Variants in CLSTN2 observed in about 807,000 individuals in gnomAD.
The protein encoded by CLSTN2 is calsyntenin 2, also known as calsyntenin-2.
CLSTN2 carries 48 observed loss-of-function variants against 101.2 expected under a neutral mutation model. That is an observed-to-expected ratio of 0.47 (90% CI 0.38 to 0.60). CLSTN2 has a LOEUF of 0.60. Among genes scored for constraint, CLSTN2 ranks in the 20% least tolerant of loss-of-function variants. The pLI is 0.00. For synonymous variants in CLSTN2, 481 were observed against 463.6 expected (o/e 1.04, Z -0.48); for missense variants, 1,160 against 1,238.2 (o/e 0.94, Z 0.95).
chr3:140,077,925 G>A (rs1001986948), intron 1 of CLSTN2, among the ~76,000 whole-genome samples: 3 of 152,170 alleles, frequency 2.0e-5, no homozygotes, highest in Non-Finnish European at 2.9e-5. Context: ...TGATTATTAA[G>A]GCTTGAAGTT....
rs1429288961 is a variant in CLSTN2, at chr3:140,459,650, A to C, written c.1103A>C (p.Asp368Ala). 1 of 1,614,138 alleles carries C rather than the reference A, an allele frequency of 6.2e-7. No individual in the cohort carries two copies. The highest frequency in any genetic ancestry group is 1.1e-5 in the South Asian group (1 of 91,080). The part of the protein sequence containing the change: ...FDGRQGAKVP[D>A]GIVPKNLTDQ... Reference sequence around the variant, plus strand: ...GGCAGGCAGGGTGCCAAAGTCCCCGATGGGATTGTGCCCAAGAACCTGACC... The same window carrying C: ...GGCAGGCAGGGTGCCAAAGTCCCCGCTGGGATTGTGCCCAAGAACCTGACC... The change falls in exon 7 of 17, where the codon GAT becomes GCT. Residue 368 changes from aspartate (D) to alanine (A), a missense_variant. By Grantham distance (126) the Asp-to-Ala change is moderately radical. Transcript: ENST00000458420.
chr3:140,561,015 G>A (rs888622205), intron 12 of CLSTN2, among the ~76,000 whole-genome samples: 5 of 151,426 alleles, frequency 3.3e-5, no homozygotes, highest in African/African-American at 1.2e-4. Context: ...TACCTAGTGA[G>A]AGCAAATATA....
At chr3:140,380,091 T>C (rs898997497) in intron 2 of CLSTN2, among the ~76,000 whole-genome samples, 3 of 151,914 alleles carry the variant, frequency 2.0e-5, no homozygotes, top group African/African-American at 4.8e-5. Flanking sequence ...CCAGGGGAAA[T>C]TGTTGGAATA....
intron 2 of CLSTN2, among the ~76,000 whole-genome samples, chr3:140,191,342 T>C (rs1223993969): frequency 6.6e-6 from 1 of 152,078 alleles, no homozygotes; most frequent in Non-Finnish European, 1.5e-5. Flanking sequence ...TTTTAATCCA[T>C]ATTTATGAGG....
intron 2 of CLSTN2, among the ~76,000 whole-genome samples, chr3:140,324,514 G>C (rs541253782): frequency 2.0e-5 from 3 of 152,292 alleles, no homozygotes; most frequent in African/African-American, 7.2e-5. Flanking sequence ...TCAGAAAGTA[G>C]ACCAAAATGT....
intron 9 of CLSTN2, among the ~76,000 whole-genome samples, chr3:140,542,489 A>C (rs1935501037): frequency 6.6e-6 from 1 of 152,218 alleles, no homozygotes. Context: ...CCAACAGAGG[A>C]GTCACGTGGC....
At chr3:140,557,800 A>C (rs1384636349) in intron 11 of CLSTN2, among the ~76,000 whole-genome samples, 1 of 152,206 alleles carries the variant, frequency 6.6e-6, no homozygotes, top group African/African-American at 2.4e-5. Flanking sequence ...TGTAACCTAC[A>C]TCTAGATGAC....
chr3:140,340,531 A>G (rs1400127315), intron 2 of CLSTN2, among the ~76,000 whole-genome samples: 1 of 152,170 alleles, frequency 6.6e-6, no homozygotes, highest in Non-Finnish European at 1.5e-5. Flanking sequence ...TTGTTGTTTA[A>G]TAGACTTTGT....
intron 2 of CLSTN2, among the ~76,000 whole-genome samples, chr3:140,349,020 CA>C: frequency 6.6e-6 from 1 of 152,332 alleles, no homozygotes; most frequent in South Asian, 2.1e-4. Flanking sequence ...CCACATGTTG[CA>C]AGAAAAATCT....
chr3:140,464,314 A>G (rs771372754), intron 7 of CLSTN2, among the ~76,000 whole-genome samples: 84 of 152,326 alleles, frequency 5.5e-4, no homozygotes, highest in Non-Finnish European at 1.0e-3. Flanking sequence ...AGGAACATCT[A>G]TTTTAACTGG....
intron 2 of CLSTN2, among the ~76,000 whole-genome samples, chr3:140,293,361 G>A (rs1369428070): frequency 6.6e-6 from 1 of 152,090 alleles, no homozygotes; most frequent in Non-Finnish European, 1.5e-5. Flanking sequence ...TCCTATCCAG[G>A]CAAGGCTGTG....
At chr3:140,142,391 G>A (rs1196793912) in intron 1 of CLSTN2, among the ~76,000 whole-genome samples, 1 of 152,110 alleles carries the variant, frequency 6.6e-6, no homozygotes, top group Non-Finnish European at 1.5e-5. Context: ...GACTGTTCAG[G>A]CCCACACTGG....
intron 1 of CLSTN2, among the ~76,000 whole-genome samples, chr3:140,013,033 G>A (rs1226532937): frequency 6.6e-6 from 1 of 152,178 alleles, no homozygotes; most frequent in African/African-American, 2.4e-5. Flanking sequence ...GGAAGTGTCA[G>A]CATCATGGAG....
chr3:140,416,561 G>A (rs561975485), intron 4 of CLSTN2, among the ~76,000 whole-genome samples: 1 of 152,284 alleles, frequency 6.6e-6, no homozygotes, highest in African/African-American at 2.4e-5. Context: ...CTGCAAGTTG[G>A]TGGACCCCAC....
intron 1 of CLSTN2, among the ~76,000 whole-genome samples, chr3:140,076,189 T>C (rs554368578): frequency 6.6e-6 from 1 of 152,342 alleles, no homozygotes; most frequent in South Asian, 2.1e-4. Context: ...TTGTTTCACT[T>C]AGCATAATGT....
At chr3:140,527,361 A>G (rs1408040111) in intron 8 of CLSTN2, among the ~76,000 whole-genome samples, 1 of 152,206 alleles carries the variant, frequency 6.6e-6, no homozygotes, top group Non-Finnish European at 1.5e-5. Flanking sequence ...AAAAATTCAA[A>G]TCAAAACCAC....
chr3:140,466,101 G>T (rs555138382), intron 7 of CLSTN2, among the ~76,000 whole-genome samples: 66 of 152,322 alleles, frequency 4.3e-4, no homozygotes, highest in African/African-American at 1.6e-3. Flanking sequence ...GCAGCTAAAA[G>T]TGAGGCAGCT....
At chr3:140,524,113 A>AGTATTCTG (rs1935089467) in intron 8 of CLSTN2, among the ~76,000 whole-genome samples, 1 of 152,238 alleles carries the variant, frequency 6.6e-6, no homozygotes. Context: ...AAGCAATGGC[A>AGTATTCTG]GTATTCTGGC....
At chr3:140,265,220 A>C (rs142373750) in intron 2 of CLSTN2, among the ~76,000 whole-genome samples, 123 of 152,296 alleles carry the variant, frequency 8.1e-4, no homozygotes, top group African/African-American at 2.9e-3. Flanking sequence ...ATGCATCTAC[A>C]CTGCCCTTTA....
Sources: gnomAD v4.1 joint callset for allele counts (sites outside exome capture counted in the v4.1 genomes callset) on GRCh38, gnomAD v4.1.1 for gene constraint, MANE v1.5 for transcripts, NCBI Gene and HGNC (gene_info 2026-07-23, HGNC 2026-07-21) for gene names.